The following ASIC2 variants were observed in gnomAD, a reference collection of about 807,000 sequenced individuals.
ASIC2 encodes the protein acid-sensing ion channel 2.
Under a neutral mutation model 57.3 loss-of-function variants are expected in ASIC2, and 25 were observed. That is an observed-to-expected ratio of 0.44 (90% CI 0.32 to 0.61). The LOEUF (loss-of-function observed/expected upper bound fraction) is 0.61. Ranked by LOEUF, ASIC2 falls within the 20% of genes least tolerant of loss-of-function variation. ASIC2 has a pLI of 0.06. For synonymous variants in ASIC2, 319 were observed against 307.5 expected (o/e 1.04, Z -0.39); for missense variants, 641 against 738.1 (o/e 0.87, Z 1.52).
intron 1 of ASIC2, among the ~76,000 whole-genome samples, chr17:34,126,223 T>C (rs549570670): frequency 3.3e-5 from 5 of 152,170 alleles, no homozygotes; most frequent in African/African-American, 1.2e-4. Context: ...AAAGCCTTGA[T>C]TGGATTGTGA....
At chr17:33,944,762 A>C (rs1270989154) in intron 1 of ASIC2, among the ~76,000 whole-genome samples, 1 of 152,188 alleles carries the variant, frequency 6.6e-6, no homozygotes, top group Non-Finnish European at 1.5e-5. Flanking sequence ...GCAAAGTGCT[A>C]CCAGACTCAA....
chr17:33,622,362 G>A (rs1182940109), intron 1 of ASIC2, among the ~76,000 whole-genome samples: 1 of 151,984 alleles, frequency 6.6e-6, no homozygotes, highest in African/African-American at 2.4e-5. Context: ...GATTTTCCAT[G>A]GGAAAAACAA....
chr17:34,116,136 G>A (rs1911418106), intron 1 of ASIC2, among the ~76,000 whole-genome samples: 1 of 152,194 alleles, frequency 6.6e-6, no homozygotes, highest in Non-Finnish European at 1.5e-5. Flanking sequence ...GTCTCCTGCA[G>A]TCCCTTTTCT....
chr17:33,565,015 C>T (rs142202321), intron 1 of ASIC2, among the ~76,000 whole-genome samples: 36 of 152,276 alleles, frequency 2.4e-4, no homozygotes, highest in African/African-American at 4.3e-4. Context: ...TTAATAAATA[C>T]GTGGGTAAAT....
intron 1 of ASIC2, among the ~76,000 whole-genome samples, chr17:34,058,182 G>A (rs989749764): frequency 2.0e-5 from 3 of 152,046 alleles, no homozygotes; most frequent in Non-Finnish European, 4.4e-5. Flanking sequence ...TATCTGAGTC[G>A]GTTCTGTACA....
intron 1 of ASIC2, among the ~76,000 whole-genome samples, chr17:33,586,678 G>A: frequency 6.6e-6 from 1 of 152,086 alleles, no homozygotes; most frequent in Admixed American, 6.6e-5. Context: ...GTTTCTTCAT[G>A]TAGTAAGTTC....
intron 1 of ASIC2, among the ~76,000 whole-genome samples, chr17:33,944,204 T>C (rs1245194609): frequency 1.1e-4 from 16 of 152,236 alleles, no homozygotes; most frequent in Non-Finnish European, 4.4e-5. Context: ...TTTAAGATTG[T>C]TTATTTTCCT....
chr17:33,330,015 G>T (rs992833358), intron 1 of ASIC2, among the ~76,000 whole-genome samples: 1 of 152,182 alleles, frequency 6.6e-6, no homozygotes, highest in African/African-American at 2.4e-5. Flanking sequence ...AAAGGGTTGT[G>T]TTCTCATCAT....
rs549316832 is a variant in ASIC2, at chr17:33,090,490, G to C, written c.860-1500C>G. Among the ~76,000 whole-genome samples, 15 of 152,232 alleles carry C rather than the reference G, an allele frequency of 9.9e-5. No individual in the cohort carries two copies. In the East Asian group the frequency reaches 2.9e-3, roughly 29 times the overall value. On this transcript the variant is annotated intron_variant, in intron 2 of 9. Transcript: ENST00000225823. ...GGTCAAGCCTCAATCATTTATGAAT[G>C]GACAAGGCCAACCTGGAGGCCAAAT...
intron 1 of ASIC2, among the ~76,000 whole-genome samples, chr17:33,902,919 G>A (rs150488415): frequency 6.6e-6 from 1 of 152,272 alleles, no homozygotes; most frequent in Non-Finnish European, 1.5e-5. Context: ...CAAGCATTCT[G>A]TCACTTTCTG....
chr17:33,803,068 A>G (rs756245820), intron 1 of ASIC2, among the ~76,000 whole-genome samples: 2 of 152,182 alleles, frequency 1.3e-5, no homozygotes, highest in Non-Finnish European at 2.9e-5. Flanking sequence ...CTGAGTAATG[A>G]GGAAATGCTG....
intron 1 of ASIC2, among the ~76,000 whole-genome samples, chr17:33,120,557 C>G (rs1025320113): frequency 1.3e-5 from 2 of 152,324 alleles, no homozygotes; most frequent in East Asian, 1.9e-4. Context: ...GATGCTGGGC[C>G]TCTGCTGCTG....
intron 1 of ASIC2, among the ~76,000 whole-genome samples, chr17:33,459,113 ACCCAGAGGC>A (rs931455028): frequency 2.0e-5 from 3 of 151,516 alleles, no homozygotes; most frequent in African/African-American, 4.9e-5. Context: ...TTTTTTAATG[ACCCAGAGGC>A]CCCACCATTA....
intron 1 of ASIC2, among the ~76,000 whole-genome samples, chr17:34,045,776 G>A (rs191178817): frequency 1.3e-5 from 2 of 152,136 alleles, no homozygotes; most frequent in Admixed American, 6.5e-5. Context: ...AAGAAAACTG[G>A]GGTAGTTCCT....
chr17:33,878,495 G>T (rs1467197609), intron 1 of ASIC2, among the ~76,000 whole-genome samples: 1 of 152,212 alleles, frequency 6.6e-6, no homozygotes, highest in African/African-American at 2.4e-5. Flanking sequence ...TCAACTGGAA[G>T]AAAGGAGATC....
chr17:33,823,241 T>C (rs534076688), intron 1 of ASIC2, among the ~76,000 whole-genome samples: 71 of 152,224 alleles, frequency 4.7e-4, no homozygotes, highest in Non-Finnish European at 4.4e-5. Context: ...AGGATGAGAT[T>C]TGAACCCAAG....
At chr17:33,530,963 A>T (rs746571459) in intron 1 of ASIC2, among the ~76,000 whole-genome samples, 1 of 152,146 alleles carries the variant, frequency 6.6e-6, no homozygotes, top group Non-Finnish European at 1.5e-5. Context: ...CTATCTTCCC[A>T]TTTTACCAGT....
intron 3 of ASIC2, among the ~76,000 whole-genome samples, chr17:33,037,178 T>C (rs996933707): frequency 2.1e-5 from 3 of 144,832 alleles, no homozygotes; most frequent in African/African-American, 7.7e-5. Flanking sequence ...CATTGCTCAA[T>C]ATTGGATCCA....
intron 1 of ASIC2, among the ~76,000 whole-genome samples, chr17:33,267,642 G>T (rs1365733081): frequency 6.6e-6 from 1 of 152,206 alleles, no homozygotes; most frequent in African/African-American, 2.4e-5. Context: ...AATAATTCTG[G>T]CATTGTGCTG....
Sources: allele counts gnomAD v4.1 joint callset (sites outside exome capture counted in the v4.1 genomes callset), GRCh38; gene constraint gnomAD v4.1.1; transcripts MANE v1.5; gene names NCBI Gene and HGNC (gene_info 2026-07-23, HGNC 2026-07-21).